The following AKIP1 variants were observed in gnomAD, a reference collection of about 807,000 sequenced individuals.
AKIP1 encodes the protein A-kinase-interacting protein 1.
A neutral mutation model predicts 22.3 loss-of-function variants in AKIP1; 18 were observed. That is an observed-to-expected ratio of 0.81 (90% CI 0.56 to 1.19). AKIP1 has a LOEUF of 1.19. Ranked by LOEUF, AKIP1 falls within the 50% of genes most tolerant of loss-of-function variation. The pLI is 0.00. For missense variants in AKIP1, 287 were observed against 264.6 expected (o/e 1.08, Z -0.59); for synonymous variants, 120 against 102.7 (o/e 1.17, Z -1.02).
In AKIP1 at chr11:8,911,213, G is replaced by T. The variant is rs897113332; in HGVS notation, c.-17G>T. On this transcript the variant is annotated 5_prime_UTR_variant, in exon 1 of 6. The change creates a premature stop within an existing upstream ORF in the 5' untranslated region. Coordinates refer to ENST00000309377, the MANE Select transcript of AKIP1 (RefSeq NM_020642.4). ...TAGCGTTGCGCGCATGCGCCTTGAC[G>T]AGTGAGCCGGGTGAGGGGGCTCCCT... is the stretch of plus-strand genomic sequence containing the variant. The T allele has an allele frequency of 1.1e-5, 6 of 542,016 alleles. No individual in the cohort carries two copies. Among genetic ancestry groups the T allele is most frequent in the African/African-American group, 7.6e-5 (4 of 52,460 alleles). 33.6% of individuals were successfully genotyped at this position (542,016 alleles called of 1,614,324 possible).
intron 5 of AKIP1, 24 bp from the exon 6 acceptor site, chr11:8,919,313 G>T (rs201013203): frequency 2.0e-5 from 32 of 1,607,152 alleles, no homozygotes; most frequent in Non-Finnish European, 5.9e-6. Flanking sequence ...TCTCTAAACT[G>T]CTAATATCCT....
intron 5 of AKIP1, 30 bp from the exon 6 acceptor site, chr11:8,919,307 T>C: frequency 2.5e-6 from 4 of 1,601,916 alleles, no homozygotes; most frequent in Non-Finnish European, 2.6e-6. Flanking sequence ...ATAAAATCTC[T>C]AAACTGCTAA....
At chr11:8,912,993 G>A (rs2653577) in intron 3 of AKIP1, among the ~76,000 whole-genome samples, 1 of 142,588 alleles carries the variant, frequency 7.0e-6, no homozygotes, top group Non-Finnish European at 1.5e-5. Flanking sequence ...TCCTGCCTCA[G>A]CCTCCCTAGT....
At chr11:8,917,250 G>T in intron 4 of AKIP1, 37 bp from the exon 5 acceptor site, 1 of 1,431,842 alleles carries the variant, frequency 7.0e-7, no homozygotes, top group Non-Finnish European at 9.6e-7. Flanking sequence ...AAAAGTGAAA[G>T]CTTGGGCACA....
At chr11:8,911,735 G>C in intron 2 of AKIP1, 64 bp downstream of exon 2, 1 of 1,422,460 alleles carries the variant, frequency 7.0e-7, no homozygotes, top group South Asian at 1.5e-5. Context: ...CTGGGAGCCA[G>C]GGGTGCGCAG....
chr11:8,912,497 G>A lies in AKIP1; in HGVS notation c.267G>A (p.Met89Ile), dbSNP rs756608322. The A allele has an allele frequency of 6.2e-7, 1 of 1,614,080 alleles. No homozygotes were observed. Among genetic ancestry groups the A allele is most frequent in the South Asian group, 1.1e-5 (1 of 91,076 alleles). ...PPTLSASFRT[M>I]AEFMDYTSSQ... is the part of the protein sequence containing the mutation. The stretch of plus-strand genomic sequence containing the variant: ...CCCTTAGTGCTTCCTTCAGAACAAT[G>A]GCTGAATTCATGGACTATACTTCAA... The change falls in exon 3 of 6, where the codon ATG becomes ATA. Residue 89 changes from methionine to isoleucine, a missense_variant. Met to Ile is a conservative substitution (Grantham distance 10). Coordinates refer to ENST00000309377, the MANE Select transcript of AKIP1 (RefSeq NM_020642.4).
intron 4 of AKIP1, among the ~76,000 whole-genome samples, chr11:8,916,765 A>G (rs151079724): frequency 6.6e-6 from 1 of 152,274 alleles, no homozygotes; most frequent in Non-Finnish European, 1.5e-5. Context: ...CTCTTACCTA[A>G]ACGCACCTGA....
Position 8,911,551 on chromosome 11 carries a change from G to A in AKIP1, c.102G>A (p.Arg34=). The change falls in exon 2 of 6, where the codon AGG becomes AGA. Residue 34 remains arginine, a synonymous_variant. Coordinates refer to ENST00000309377, the MANE Select transcript of AKIP1 (RefSeq NM_020642.4). ...LALEVLERAK[R]RAVDWHALER... ...TAGAAGTGCTGGAGAGGGCCAAGAG[G>A]AGGGCGGTGGACTGGCATGCCCTGG... 1.2e-6 allele frequency: 2 copies of A among 1,611,338 alleles called. No individual in the cohort carries two copies. The highest frequency in any genetic ancestry group is 2.7e-5 in the African/African-American group (2 of 75,046).
At chr11:8,912,378 A>C in intron 2 of AKIP1, 75 bp from the exon 3 acceptor site, 4 of 1,195,252 alleles carry the variant, frequency 3.3e-6, no homozygotes, top group Non-Finnish European at 5.0e-6. Flanking sequence ...TAAAAAGGAG[A>C]CTATTTCCAA....
chr11:8,914,790 T>C (rs751562462), intron 3 of AKIP1, 36 bp from the exon 4 acceptor site: 1 of 1,520,908 alleles, frequency 6.6e-7, no homozygotes. Flanking sequence ...GACAAGACAA[T>C]TTGGTTAGCT....
chr11:8,917,560 C>A, intron 5 of AKIP1, 193 bp downstream of exon 5: 1 of 606,430 alleles, frequency 1.6e-6, no homozygotes, highest in South Asian at 2.0e-5. Context: ...TTCCTTCACT[C>A]TAAGCTTCAG....
chr11:8,916,451 G>A (rs1248475723), intron 4 of AKIP1, among the ~76,000 whole-genome samples: 1 of 152,146 alleles, frequency 6.6e-6, no homozygotes, highest in Admixed American at 6.6e-5. Flanking sequence ...TGGTGGTGGT[G>A]GTTTCTGAGG....
chr11:8,919,683 C>T lies in AKIP1; in HGVS notation c.*203C>T. The T allele has an allele frequency of 5.6e-6, 3 of 531,250 alleles. No homozygotes were observed. The highest frequency in any genetic ancestry group is 9.8e-6 in the Non-Finnish European group (3 of 305,684). 32.9% of individuals were successfully genotyped at this position (531,250 alleles called of 1,614,324 possible). A position where few individuals can be genotyped will look rare whatever the true frequency, so the allele number is the denominator to read the frequency against. Reference sequence around the variant, plus strand: ...AGACAGTCTCACTCTGTTGCCCAGGCTGGAGTGCAGTGGCGTGATCTCGGC... The same window carrying T: ...AGACAGTCTCACTCTGTTGCCCAGGTTGGAGTGCAGTGGCGTGATCTCGGC... On this transcript the variant is annotated 3_prime_UTR_variant, in exon 6 of 6. Coordinates refer to ENST00000309377, the MANE Select transcript of AKIP1 (RefSeq NM_020642.4).
chr11:8,915,347 A>ATTTTTTTTTCTTTTTTTTTTTT lies in AKIP1; in HGVS notation c.408+426_408+427insCTTTTTTTTTTTTTTTTTTTTT, dbSNP rs2064463968. On this transcript the variant is annotated intron_variant, in intron 4 of 5. Coordinates refer to ENST00000309377, the MANE Select transcript of AKIP1 (RefSeq NM_020642.4). The stretch of plus-strand genomic sequence containing the variant: ...ATCCTCTTCTACATCTAGGGATAGG[A>ATTTTTTTTTCTTTTTTTTTTTT]TTTTTTTTTTCTTTTTTTTTTTTTT... Among the ~76,000 whole-genome samples, 2 of 105,096 alleles carry ATTTTTTTTTCTTTTTTTTTTTT rather than the reference A, an allele frequency of 1.9e-5. 1 individual carries two copies. The highest frequency in any genetic ancestry group is 3.8e-5 in the Non-Finnish European group (2 of 53,104). The allele number at this position is 105,096 out of a possible 152,430, so 68.9% of individuals were successfully genotyped here.
intron 4 of AKIP1, 100 bp downstream of exon 4, chr11:8,915,030 G>T: frequency 5.9e-6 from 5 of 851,302 alleles, no homozygotes; most frequent in Middle Eastern, 3.2e-4. Flanking sequence ...CTGGATGCCC[G>T]TGTGACTTGG....
At chr11:8,911,765 A>G (rs867896176) in intron 2 of AKIP1, 94 bp downstream of exon 2, 7 of 1,260,670 alleles carry the variant, frequency 5.6e-6, no homozygotes, top group Non-Finnish European at 5.3e-6. Context: ...AGCTGAGGAA[A>G]CCTTCCCTTA....
chr11:8,911,237 C>G lies in AKIP1; in HGVS notation c.-7+14C>G. 14 of 572,336 alleles carry G rather than the reference C, an allele frequency of 2.4e-5. No homozygotes were observed. The highest frequency in any genetic ancestry group is 9.8e-5 in the Admixed American group (3 of 30,598). 35.5% of individuals were successfully genotyped at this position (572,336 alleles called of 1,614,324 possible). On this transcript the variant is annotated intron_variant, in intron 1 of 5. Transcript: ENST00000309377. The stretch of plus-strand genomic sequence containing the variant: ...CGAGTGAGCCGGGTGAGGGGGCTCC[C>G]TAAGTAGCGGAAGGGGTAGATGAAA...
chr11:8,919,509 T>C lies in AKIP1; in HGVS notation c.*29T>C. ...TGACCATCACTGCCATCACATCACC[T>C]TTTTTTAAGTAGTAAGAATAAAGCC... On this transcript the variant is annotated 3_prime_UTR_variant, in exon 6 of 6. Coordinates refer to ENST00000309377, the MANE Select transcript of AKIP1 (RefSeq NM_020642.4). 6.2e-7 allele frequency: 1 copy of C among 1,602,038 alleles called. No individual in the cohort carries two copies. The highest frequency in any genetic ancestry group is 1.1e-5 in the South Asian group (1 of 89,344).
chr11:8,919,305 T>A, intron 5 of AKIP1, 32 bp from the exon 6 acceptor site: 1 of 1,601,070 alleles, frequency 6.2e-7, no homozygotes, highest in Non-Finnish European at 8.5e-7. Flanking sequence ...GTATAAAATC[T>A]CTAAACTGCT....
Sources: gnomAD v4.1 joint callset for allele counts (sites outside exome capture counted in the v4.1 genomes callset) on GRCh38, gnomAD v4.1.1 for gene constraint, MANE v1.5 for transcripts, NCBI Gene and HGNC (gene_info 2026-07-23, HGNC 2026-07-21) for gene names.